The following FBN3 variants were observed in gnomAD, a reference collection of about 807,000 sequenced individuals.
FBN3 encodes fibrillin 3, also known as fibrillin-3.
A neutral mutation model predicts 330.1 loss-of-function variants in FBN3; 234 were observed. The ratio of observed to expected loss-of-function variants is 0.71; its 90% CI spans 0.64 to 0.79. FBN3 has a LOEUF of 0.79. Among genes scored for constraint, FBN3 ranks in the 30% least tolerant of loss-of-function variants. FBN3 has a pLI of 0.00. For synonymous variants in FBN3, 1,458 were observed against 1,517.3 expected (o/e 0.96, Z 0.91); for missense variants, 3,606 against 3,886.9 (o/e 0.93, Z 1.92).
At chr19:8,081,584 G>T in intron 57 of FBN3, 104 bp from the exon 58 acceptor site, 1 of 1,307,310 alleles carries the variant, frequency 7.6e-7, no homozygotes, top group Non-Finnish European at 1.0e-6. Flanking sequence ...TGAAATCTGT[G>T]GACTTACACA....
Position 8,125,872 on chromosome 19 carries a change from C to G in FBN3, c.2731+20G>C. On this transcript the variant is annotated intron_variant, in intron 22 of 63. Coordinates refer to ENST00000600128, the MANE Select transcript of FBN3 (RefSeq NM_032447.5). ...AAGGAAGAACGTGTGGCCCTGTATG[C>G]GGACCTCGCCTGGACTCACCCACGC... is the stretch of plus-strand genomic sequence containing the variant. 6.3e-7 allele frequency: 1 copy of G among 1,593,682 alleles called. No individual in the cohort carries two copies. The highest frequency in any genetic ancestry group is 1.4e-5 in the African/African-American group (1 of 73,976).
At chr19:8,105,162 C>T (rs2082411868) in intron 38 of FBN3, among the ~76,000 whole-genome samples, 1 of 151,680 alleles carries the variant, frequency 6.6e-6, no homozygotes, top group African/African-American at 2.4e-5. Flanking sequence ...ACTATGTTGG[C>T]CAGGCTGGTC....
At chr19:8,123,093 C>T (rs1336483617) in intron 24 of FBN3, among the ~76,000 whole-genome samples, 1 of 151,970 alleles carries the variant, frequency 6.6e-6, no homozygotes, top group Admixed American at 6.6e-5. Flanking sequence ...GTGGCTCACA[C>T]CTGTAATCCC....
At chr19:8,119,971 C>T (rs1052834713) in intron 25 of FBN3, among the ~76,000 whole-genome samples, 1 of 151,260 alleles carries the variant, frequency 6.6e-6, no homozygotes, top group African/African-American at 2.4e-5. Context: ...CAGGCAGGCA[C>T]CACCATGCCC....
At position 8,144,939 on chromosome 19, in the gene FBN3, C is replaced by T. The variant is rs554641249; in HGVS notation, c.479G>A (p.Arg160His). 6.2e-6 allele frequency: 10 copies of T among 1,612,282 alleles called. No individual in the cohort carries two copies. The highest frequency in any genetic ancestry group is 4.5e-5 in the East Asian group (2 of 44,818). ...GGCGCAGCGGTTGGGCCCAATGCAG[C>T]GACCCCCATTGTGGCAGCCGCGGTC... The part of the protein sequence containing the change: ...ICDRGCHNGG[R>H]CIGPNRCACV... Residue 160 changes from arginine (R) to histidine (H), a missense_variant, in exon 6 of 64, where the codon CGC (arginine) becomes CAC (histidine). Transcript: ENST00000600128.
chr19:8,087,848 C>A lies in FBN3; in HGVS notation c.6596G>T (p.Arg2199Leu). 3 of 1,614,100 alleles carry A rather than the reference C, an allele frequency of 1.9e-6. No individual in the cohort carries two copies. Among genetic ancestry groups the A allele is most frequent in the Non-Finnish European group, 2.5e-6 (3 of 1,180,002 alleles). The change falls in exon 53 of 64, where the codon CGG becomes CTG. Residue 2199 changes from arginine (R) to leucine (L), a missense_variant. Physicochemically the swap from Arg to Leu is moderately radical, Grantham distance 102. Transcript: ENST00000600128. Reference sequence around the variant, plus strand: ...ACCTCGACACATGGCCCCATCCTCCCGCAGGGTGTAGCCGGCTGGACAGGT... The same window carrying A: ...ACCTCGACACATGGCCCCATCCTCCAGCAGGGTGTAGCCGGCTGGACAGGT... Reference protein sequence around the residue: ...LCTCPAGYTLREDGAMCRDVD... With the variant: ...LCTCPAGYTLLEDGAMCRDVD...
At chr19:8,087,297 TG>T (rs1291816985) in intron 53 of FBN3, 86 bp from the exon 54 acceptor site, 1 of 1,438,020 alleles carries the variant, frequency 7.0e-7, no homozygotes, top group African/African-American at 1.4e-5. Flanking sequence ...GTCAGCCCTG[TG>T]GGACCTGAGT....
At chr19:8,135,936 G>GGGGGGGGGGGGGGCGCCCCCCC in intron 13 of FBN3, 25 bp downstream of exon 13, 3 of 668,770 alleles carry the variant, frequency 4.5e-6, no homozygotes, top group Non-Finnish European at 7.2e-6. Context: ...GGAAGCCCCT[G>GGGGGGGGGGGGGGCGCCCCCCC]CCCACCCGCC....
chr19:8,080,794 G>T (rs780011451), intron 59 of FBN3, among the ~76,000 whole-genome samples: 17 of 152,010 alleles, frequency 1.1e-4, no homozygotes, highest in Non-Finnish European at 1.6e-4. Flanking sequence ...TAATTTTTTT[G>T]TATTTTTAGT....
intron 37 of FBN3, among the ~76,000 whole-genome samples, chr19:8,107,867 A>G (rs2082483465): frequency 6.7e-6 from 1 of 150,144 alleles, no homozygotes; most frequent in Non-Finnish European, 1.5e-5. Context: ...AGGATGGATG[A>G]ATGGATGGAA....
At chr19:8,082,364 T>C (rs2081815217) in intron 57 of FBN3, among the ~76,000 whole-genome samples, 1 of 123,672 alleles carries the variant, frequency 8.1e-6, no homozygotes, top group Admixed American at 8.6e-5. Flanking sequence ...TCTCTCTTTC[T>C]TTTTTCTTTC....
Position 8,088,094 on chromosome 19 carries a change from G to T in FBN3, c.6462C>A (p.Asp2154Glu). Residue 2154 changes from aspartate (D) to glutamate (E), a missense_variant, in exon 52 of 64, where the codon GAC (aspartate) becomes GAA (glutamate). Transcript: ENST00000600128. ...TCATCATGAGGCCAGGCTCAAAGCC[G>T]TCAGCACAGGCACATTCGAAGCCTC... Reference protein sequence around the residue: ...VIGGFECACADGFEPGLMMTC... With the variant: ...VIGGFECACAEGFEPGLMMTC... 1.9e-6 allele frequency: 3 copies of T among 1,614,108 alleles called. No homozygotes were observed. Among genetic ancestry groups the T allele is most frequent in the South Asian group, 1.1e-5 (1 of 91,084 alleles).
chr19:8,124,030 C>A, intron 22 of FBN3, 22 bp from the exon 23 acceptor site: 2 of 1,573,860 alleles, frequency 1.3e-6, no homozygotes, highest in Non-Finnish European at 8.7e-7. Flanking sequence ...ACAGTCACTG[C>A]GTCCCCACCC....
chr19:8,088,270 C>T lies in FBN3; in HGVS notation c.6377-91G>A, dbSNP rs187600510. ...TGCCTGCCTGTTGACCACCACAGATCGGAGGGGGCCAGATCGAATGCACCT... is the reference window on the plus strand; with the variant it reads ...TGCCTGCCTGTTGACCACCACAGATTGGAGGGGGCCAGATCGAATGCACCT... On this transcript the variant is annotated intron_variant, in intron 51 of 63. Coordinates refer to ENST00000600128, the MANE Select transcript of FBN3 (RefSeq NM_032447.5). 325 of 1,462,032 alleles carry T rather than the reference C, an allele frequency of 2.2e-4. 1 individual carries two copies. In the South Asian group the frequency reaches 3.3e-3, roughly 15 times the overall value. The allele number at this position is 1,462,032 out of a possible 1,614,324, so 90.6% of individuals were successfully genotyped here. A position where few individuals can be genotyped will look rare whatever the true frequency, so the allele number is the denominator to read the frequency against.
intron 63 of FBN3, among the ~76,000 whole-genome samples, chr19:8,067,037 C>T (rs1039488369): frequency 2.0e-5 from 3 of 151,978 alleles, no homozygotes; most frequent in Non-Finnish European, 4.4e-5. Context: ...ATAGGATGGG[C>T]ACAGGGGCTC....
At chr19:8,117,352 G>T in intron 27 of FBN3, 61 bp from the exon 28 acceptor site, 2 of 1,535,292 alleles carry the variant, frequency 1.3e-6, no homozygotes, top group South Asian at 1.2e-5. Flanking sequence ...ATGGGGAGGG[G>T]GCTGGTTTGG....
At chr19:8,147,527 A>G (rs200898032) in intron 1 of FBN3, 30 bp from the exon 2 acceptor site, 214 of 1,417,896 alleles carry the variant, frequency 1.5e-4, no homozygotes, top group Admixed American at 7.8e-4. Flanking sequence ...TCAGCCCTAG[A>G]TGAGCCCCCC....
Position 8,124,006 on chromosome 19 carries a change from C to A in FBN3, c.2734G>T (p.Val912Leu). Residue 912 changes from valine (V) to leucine (L), a missense_variant and splice_region_variant, in exon 23 of 64, where the codon GTG (valine) becomes TTG (leucine). Transcript: ENST00000600128. The stretch of plus-strand genomic sequence containing the variant: ...CGCAGGAAACATGGTTCCAATCTCA[C>A]ATCTGCACGGGGGACAGTCACTGCG... ...LDASGRLCVDVRLEPCFLRWD... is the reference protein window; with the variant it reads ...LDASGRLCVDLRLEPCFLRWD... 1.2e-6 allele frequency: 2 copies of A among 1,612,848 alleles called. No individual in the cohort carries two copies. Among genetic ancestry groups the A allele is most frequent in the South Asian group, 2.2e-5 (2 of 90,946 alleles).
intron 41 of FBN3, among the ~76,000 whole-genome samples, chr19:8,100,546 T>C (rs1003752097): frequency 7.9e-5 from 12 of 152,026 alleles, no homozygotes; most frequent in African/African-American, 2.7e-4. Flanking sequence ...CCATGTTGGC[T>C]AGGCTGGTCT....
Sources: allele counts gnomAD v4.1 joint callset (sites outside exome capture counted in the v4.1 genomes callset), GRCh38; gene constraint gnomAD v4.1.1; transcripts MANE v1.5; gene names NCBI Gene and HGNC (gene_info 2026-07-23, HGNC 2026-07-21).